Variants in DMD observed in about 807,000 individuals in gnomAD.
The protein encoded by DMD is dystrophin.
A neutral mutation model predicts 330.1 loss-of-function variants in DMD; 63 were observed. That is an observed-to-expected ratio of 0.19 (90% confidence interval 0.16 to 0.24). DMD has a LOEUF of 0.24. Among genes scored for constraint, DMD ranks in the 10% least tolerant of loss-of-function variants. The pLI is 1.00. For missense variants in DMD, 3,344 were observed against 2,684.1 expected (o/e 1.25, Z -5.43); for synonymous variants, 1,223 against 959.8 (o/e 1.27, Z -5.07).
At chrX:32,783,315 G>GTA (rs748085263) in intron 7 of DMD, among the ~76,000 whole-genome samples, 1,831 of 93,387 alleles carry the variant, frequency 0.02, 58 homozygotes, top group African/African-American at 0.067. Context: ...CACATATATG[G>GTA]TATATATATA....
chrX:31,446,218 A>G (rs965771875), intron 59 of DMD, among the ~76,000 whole-genome samples: 1 of 112,465 alleles, frequency 8.9e-6, no homozygotes, highest in Admixed American at 9.4e-5. Flanking sequence ...TAGATAATAC[A>G]AAACATTGTG....
chrX:33,017,995 C>T (rs924053918), intron 2 of DMD, among the ~76,000 whole-genome samples: 10 of 112,252 alleles, frequency 8.9e-5, no homozygotes, highest in Admixed American at 7.6e-4. Context: ...CAACTAGCTT[C>T]CTCTAAATTC....
intron 2 of DMD, among the ~76,000 whole-genome samples, chrX:32,934,999 C>G (rs1394253957): frequency 1.8e-5 from 2 of 113,127 alleles, no homozygotes; most frequent in Non-Finnish European, 3.7e-5. Flanking sequence ...GGCTCCCCGG[C>G]TCTGGAGTGA....
intron 68 of DMD, among the ~76,000 whole-genome samples, 196 bp downstream of exon 68, chrX:31,182,542 A>G (rs933880154): frequency 1.8e-5 from 2 of 111,516 alleles, no homozygotes; most frequent in Non-Finnish European, 3.8e-5. Context: ...CACCAGCCTA[A>G]TAAGTGAGAT....
chrX:31,976,691 A>C lies in DMD; in HGVS notation c.6439-8177T>G, dbSNP rs1363098045. Among the ~76,000 whole-genome samples the C allele has an allele frequency of 2.7e-5, 3 of 111,185 alleles. No individual in the cohort carries two copies. The Admixed American group carries it at 2.9e-4, about 11-fold the overall frequency. ...CTAACTCCCACCCACCTATTAGTTAAAAAAAATGGTCAAAGGTGATTTCAA... is the reference window on the plus strand; with the variant it reads ...CTAACTCCCACCCACCTATTAGTTACAAAAAATGGTCAAAGGTGATTTCAA... On this transcript the variant is annotated intron_variant, in intron 44 of 78. Transcript: ENST00000357033.
rs955108034 is a variant in DMD at position 32,614,350 on chromosome X, G to C, written c.1435C>G (p.Leu479Val). The change falls in exon 12 of 79, where the codon CTT (leucine) becomes GTT (valine). Residue 479 changes from leucine to valine, a missense_variant. Coordinates refer to ENST00000357033, the MANE Select transcript of DMD (RefSeq NM_004006.3). ...ERTRKMEEEP[L>V]GPDLEDLKRQ... ...TTTAGGTCTTCAAGATCAGGTCCAAGAGGCTCTTCCTCCATTTTCCTTGTT... is the reference window on the plus strand; with the variant it reads ...TTTAGGTCTTCAAGATCAGGTCCAACAGGCTCTTCCTCCATTTTCCTTGTT... 3 of 1,208,349 alleles carry C rather than the reference G, an allele frequency of 2.5e-6. No individual in the cohort carries two copies. Among genetic ancestry groups the C allele is most frequent in the East Asian group, 3.0e-5 (1 of 33,722 alleles).
intron 7 of DMD, among the ~76,000 whole-genome samples, chrX:32,701,929 C>T (rs763214072): frequency 9.0e-6 from 1 of 111,663 alleles, no homozygotes; most frequent in South Asian, 3.7e-4. Flanking sequence ...CTTATTTAAC[C>T]AAACTATTGC....
At chrX:31,162,085 A>G (rs1175636292) in intron 74 of DMD, among the ~76,000 whole-genome samples, 1 of 111,328 alleles carries the variant, frequency 9.0e-6, no homozygotes, top group African/African-American at 3.3e-5. Context: ...GAGCACTTGT[A>G]ACAGTAGGAT....
intron 44 of DMD, among the ~76,000 whole-genome samples, chrX:32,202,015 A>T (rs1374033953): frequency 8.9e-6 from 1 of 111,866 alleles, no homozygotes; most frequent in East Asian, 2.8e-4. Flanking sequence ...TGGGAACTCT[A>T]TAAGAAGCCA....
chrX:31,501,583 T>G (rs2070415594), intron 56 of DMD, among the ~76,000 whole-genome samples: 1 of 111,763 alleles, frequency 8.9e-6, no homozygotes, highest in South Asian at 3.7e-4. Context: ...TGCTGGAGTA[T>G]ATTGCTTGGT....
At chrX:32,682,079 T>C (rs963899843) in intron 9 of DMD, among the ~76,000 whole-genome samples, 1 of 111,630 alleles carries the variant, frequency 9.0e-6, no homozygotes, top group Non-Finnish European at 1.9e-5. Flanking sequence ...AGGGAACAAA[T>C]CACGATGGTG....
chrX:31,951,120 T>TACAC, intron 45 of DMD, among the ~76,000 whole-genome samples: 1 of 75,990 alleles, frequency 1.3e-5, no homozygotes, highest in South Asian at 5.3e-4. Context: ...ACTATATATA[T>TACAC]ACATATATAT....
chrX:31,768,422 C>CT (rs1261398838), intron 51 of DMD, among the ~76,000 whole-genome samples: 1 of 107,835 alleles, frequency 9.3e-6, no homozygotes, highest in Non-Finnish European at 1.9e-5. Context: ...TCCTTGCTAC[C>CT]TTTCTTTTGT....
intron 1 of DMD, among the ~76,000 whole-genome samples, chrX:33,303,889 A>G (rs2053710291): frequency 9.0e-6 from 1 of 111,265 alleles, no homozygotes; most frequent in Non-Finnish European, 1.9e-5. Flanking sequence ...GAACTAATAC[A>G]CTTAATTTTT....
intron 44 of DMD, among the ~76,000 whole-genome samples, chrX:32,142,033 C>A (rs969054753): frequency 9.0e-6 from 1 of 111,445 alleles, no homozygotes; most frequent in Non-Finnish European, 1.9e-5. Flanking sequence ...ATGGTGCTTA[C>A]ATCATAATTG....
chrX:31,758,227 TC>T (rs200597206), intron 51 of DMD, among the ~76,000 whole-genome samples: 8,397 of 111,260 alleles, frequency 0.075, 304 homozygotes, highest in South Asian at 0.19. Flanking sequence ...GTGCATATTT[TC>T]TCCCCATTGC....
At chrX:31,449,785 TATATATATATATAG>T (rs1338799618) in intron 59 of DMD, among the ~76,000 whole-genome samples, 2 of 92,773 alleles carry the variant, frequency 2.2e-5, no homozygotes, top group African/African-American at 8.3e-5. Context: ...TATATATATA[TATATATATATATAG>T]ATAGATAGAT....
chrX:31,474,086 G>A (rs1020836447), intron 59 of DMD, among the ~76,000 whole-genome samples: 6 of 111,861 alleles, frequency 5.4e-5, no homozygotes, highest in African/African-American at 2.0e-4. Flanking sequence ...ATGTTTGGAA[G>A]GCTGAGATTC....
intron 4 of DMD, among the ~76,000 whole-genome samples, chrX:32,831,179 T>A (rs985384760): frequency 6.3e-5 from 7 of 111,054 alleles, no homozygotes; most frequent in Non-Finnish European, 1.3e-4. Flanking sequence ...CATTTGCTTG[T>A]TCGAGACAGG....
Sources: allele counts gnomAD v4.1 joint callset (sites outside exome capture counted in the v4.1 genomes callset), GRCh38; gene constraint gnomAD v4.1.1; transcripts MANE v1.5; gene names NCBI Gene and HGNC (gene_info 2026-07-23, HGNC 2026-07-21).